Variants in ACP3 observed in about 807,000 individuals in gnomAD.
ACP3 encodes acid phosphatase 3.
ACP3 carries 38 observed loss-of-function variants against 45.6 expected under a neutral mutation model. The ratio of observed to expected loss-of-function variants is 0.83; its 90% CI spans 0.64 to 1.09. The LOEUF (loss-of-function observed/expected upper bound fraction) is 1.09. ACP3 is among the 50% of genes least tolerant of loss of function. The pLI is 0.00. For missense variants in ACP3, 466 were observed against 463.2 expected, an observed-to-expected ratio of 1.01 and a Z score of -0.05; for synonymous variants, 162 against 164.7, an observed-to-expected ratio of 0.98 and a Z score of 0.13.
At chr3:132,323,992 T>A (rs2107793282) in intron 1 of ACP3, among the ~76,000 whole-genome samples, 1 of 152,016 alleles carries the variant, frequency 6.6e-6, no homozygotes, top group East Asian at 1.9e-4. Flanking sequence ...CCAAGGCGAG[T>A]GGATCACCTG....
Position 132,357,166 on chromosome 3 carries a change from T to G in ACP3, c.*288T>G. ...AAAGCTTAGGTCAAAGTTCATAGAG[T>G]TCCCATGAACTATATGACTGGCCAC... is the stretch of plus-strand genomic sequence containing the variant. On this transcript the variant is annotated 3_prime_UTR_variant, in exon 10 of 10. Transcript: ENST00000336375. 1 of 1,103,022 alleles carries G rather than the reference T, an allele frequency of 9.1e-7. No individual in the cohort carries two copies. Among genetic ancestry groups the G allele is most frequent in the Admixed American group, 4.9e-5 (1 of 20,410 alleles). 68.3% of individuals were successfully genotyped at this position (1,103,022 alleles called of 1,614,324 possible).
At chr3:132,348,388 T>G (rs59946366) in intron 7 of ACP3, among the ~76,000 whole-genome samples, 71,618 of 151,338 alleles carry the variant, frequency 0.47, 17,688 homozygotes, top group Middle Eastern at 0.65. Context: ...TAATCAAGTT[T>G]CTGAGCCTCT....
Position 132,349,919 on chromosome 3 carries a change from G to C in ACP3, c.782-1G>C. The C allele has an allele frequency of 6.2e-7, 1 of 1,608,238 alleles. No individual in the cohort carries two copies. The highest frequency in any genetic ancestry group is 8.5e-7 in the Non-Finnish European group (1 of 1,175,018). The stretch of plus-strand genomic sequence containing the variant: ...TTGGTTATTGATTCATCTTCTTTAA[G>C]GTGTCCTGGTCAATGAAATCCTCAA... On this transcript the variant is annotated splice_acceptor_variant, in intron 7 of 9. Coordinates refer to ENST00000336375, the MANE Select transcript of ACP3 (RefSeq NM_001099.5). LOFTEE classifies it high-confidence loss of function.
At chr3:132,337,170 A>C (rs188313607) in intron 4 of ACP3, among the ~76,000 whole-genome samples, 5 of 152,204 alleles carry the variant, frequency 3.3e-5, no homozygotes, top group Admixed American at 2.0e-4. Context: ...TTCACGTGGA[A>C]GATCGAGAAG....
intron 6 of ACP3, 51 bp downstream of exon 6, chr3:132,342,695 A>G: frequency 1.7e-6 from 2 of 1,143,232 alleles, no homozygotes; most frequent in Non-Finnish European, 2.5e-6. Context: ...TTTATGATTT[A>G]TGCTTATTTT....
intron 7 of ACP3, among the ~76,000 whole-genome samples, chr3:132,349,488 G>A (rs1259414729): frequency 6.6e-6 from 1 of 152,188 alleles, no homozygotes. Flanking sequence ...AGTACCTGCT[G>A]TGCTGTCATT....
At chr3:132,340,919 G>A (rs995844876) in intron 5 of ACP3, among the ~76,000 whole-genome samples, 1 of 151,946 alleles carries the variant, frequency 6.6e-6, no homozygotes, top group Non-Finnish European at 1.5e-5. Flanking sequence ...TTAATTTTTA[G>A]TATTTTCATT....
intron 2 of ACP3, among the ~76,000 whole-genome samples, chr3:132,330,668 G>A (rs1292368938): frequency 6.6e-6 from 1 of 152,116 alleles, no homozygotes. Context: ...TGATTATAGT[G>A]GTGGTCAAGC....
intron 10 of ACP3, among the ~76,000 whole-genome samples, chr3:132,365,329 G>C (rs1938112412): frequency 6.6e-6 from 1 of 152,236 alleles, no homozygotes; most frequent in Admixed American, 6.5e-5. Context: ...GGATATACAA[G>C]ATGCACTTTT....
At chr3:132,339,542 C>T (rs112708165) in intron 5 of ACP3, among the ~76,000 whole-genome samples, 6,296 of 151,500 alleles carry the variant, frequency 0.042, 199 homozygotes, top group Non-Finnish European at 0.065. Flanking sequence ...AGTTGGGGTT[C>T]CCACAACTTC....
chr3:132,328,827 T>A (rs992135799), intron 2 of ACP3, among the ~76,000 whole-genome samples: 1 of 152,202 alleles, frequency 6.6e-6, no homozygotes, highest in Admixed American at 6.5e-5. Context: ...TTAGAAATGC[T>A]GAAGAGAGCC....
In ACP3 at chr3:132,348,999, T is replaced by TCACACACACACACAAACACACACACACA. The variant is rs1937655620; in HGVS notation, c.782-907_782-906insAACACACACACACACACACACACACACA. ...ATATCAATGCCCTGCTCATTACAAC[T>TCACACACACACACAAACACACACACACA]CACACACACACACACCCTAACACAC... is the stretch of plus-strand genomic sequence containing the variant. On this transcript the variant is annotated intron_variant, in intron 7 of 9. Transcript: ENST00000336375. Among the ~76,000 whole-genome samples, 2 of 146,836 alleles carry TCACACACACACACAAACACACACACACA rather than the reference T, an allele frequency of 1.4e-5. 1 individual carries two copies. The highest frequency in any genetic ancestry group is 4.5e-4 in the South Asian group (2 of 4,430).
At chr3:132,367,670 AT>A (rs1294039289) in intron 10 of ACP3, 3 of 1,503,838 alleles carry the variant, frequency 2.0e-6, no homozygotes, top group East Asian at 4.5e-5. Flanking sequence ...TAATGCATTA[AT>A]TTTACATTAA....
At position 132,317,586 on chromosome 3, in the gene ACP3, CTT is replaced by C; in HGVS notation, c.120+13_120+14del. 1.2e-6 allele frequency: 2 copies of C among 1,607,734 alleles called. No individual in the cohort carries two copies. The highest frequency in any genetic ancestry group is 4.5e-5 in the East Asian group (2 of 44,682). ...GAAGTTTGTGACTTTGGTAAGTAGA[CTT>C]TTCTCATTGCTTTTTCCTTAAAACT... On this transcript the variant is annotated intron_variant, in intron 1 of 9. Coordinates refer to ENST00000336375, the MANE Select transcript of ACP3 (RefSeq NM_001099.5).
downstream of ACP3, among the ~76,000 whole-genome samples, chr3:132,361,030 C>G (rs1339207271): frequency 6.6e-6 from 1 of 152,168 alleles, no homozygotes; most frequent in East Asian, 1.9e-4. Flanking sequence ...TATGAATGAG[C>G]CTCAAAAGTG....
Position 132,356,721 on chromosome 3 carries a change from C to A in ACP3, c.1004C>A (p.Thr335Lys), listed in dbSNP as rs148218296. ...GTGGAGATGTACTATCGGAATGAGA[C>A]GCAGCACGAGCCGTATCCCCTCATG... is the stretch of plus-strand genomic sequence containing the variant. ...YFVEMYYRNE[T>K]QHEPYPLMLP... Residue 335 changes from threonine to lysine, a missense_variant, in exon 10 of 10, where the codon ACG becomes AAG. Coordinates refer to ENST00000336375, the MANE Select transcript of ACP3 (RefSeq NM_001099.5). The A allele has an allele frequency of 4.8e-5, 77 of 1,613,994 alleles. No individual in the cohort carries two copies. The highest frequency in any genetic ancestry group is 6.2e-5 in the Non-Finnish European group (73 of 1,180,030).
At chr3:132,318,551 A>C (rs1038310825) in intron 1 of ACP3, among the ~76,000 whole-genome samples, 1 of 152,082 alleles carries the variant, frequency 6.6e-6, no homozygotes, top group Admixed American at 6.5e-5. Context: ...TTTCTACAGA[A>C]AATATGATAC....
chr3:132,334,566 G>A (rs745648908), intron 4 of ACP3, among the ~76,000 whole-genome samples: 17 of 152,184 alleles, frequency 1.1e-4, no homozygotes, highest in East Asian at 5.8e-4. Context: ...CCACAGGGCC[G>A]TCGTTCAGGT....
At chr3:132,356,599 C>T in intron 9 of ACP3, 87 bp from the exon 10 acceptor site, 2 of 1,598,526 alleles carry the variant, frequency 1.3e-6, no homozygotes, top group Non-Finnish European at 1.7e-6. Context: ...CCTCAACTGG[C>T]ATGTAATAGT....
Sources: gnomAD v4.1 joint callset for allele counts (sites outside exome capture counted in the v4.1 genomes callset) on GRCh38, gnomAD v4.1.1 for gene constraint, MANE v1.5 for transcripts, NCBI Gene and HGNC (gene_info 2026-07-23, HGNC 2026-07-21) for gene names.